ZNF99: variants seen among roughly 807,000 people sequenced by gnomAD.
ZNF99 encodes zinc finger protein 99, also known as zinc finger protein ENSP00000375192.
A neutral mutation model predicts 12.8 loss-of-function variants in ZNF99; 8 were observed. The observed-to-expected ratio is 0.62, with a 90% confidence interval of 0.37 to 1.13. ZNF99 has a LOEUF of 1.13. Ranked by LOEUF, ZNF99 falls within the 50% of genes most tolerant of loss-of-function variation. The pLI is 0.02. For missense variants in ZNF99, 1,007 were observed against 1,006.2 expected (o/e 1.00, Z -0.01); for synonymous variants, 318 against 319.0 (o/e 1.00, Z 0.03).
chr19:22,763,207 G>A lies in ZNF99; in HGVS notation c.227-3525C>T, dbSNP rs190178503. Among the ~76,000 whole-genome samples the A allele has an allele frequency of 1.3e-4, 20 of 152,214 alleles. No individual in the cohort carries two copies. In the East Asian group the frequency reaches 2.9e-3, roughly 22 times the overall value. On this transcript the variant is annotated intron_variant, in intron 3 of 3. Coordinates refer to ENST00000596209, the MANE Select transcript of ZNF99 (RefSeq NM_001080409.3). ...AGGAAGTAAAGCTGTCACTGTTTGC[G>A]GATGATATGATTGTTTACTTTGAAA...
rs749548866 is a variant in ZNF99 at position 22,758,163 on chromosome 19, T to A, written c.1746A>T (p.Arg582Ser). 1 of 1,613,690 alleles carries A rather than the reference T, an allele frequency of 6.2e-7. No individual in the cohort carries two copies. The highest frequency in any genetic ancestry group is 1.7e-5 in the Admixed American group (1 of 60,008). The change falls in exon 4 of 4, where the codon AGA becomes AGT. Residue 582 changes from arginine to serine, a missense_variant. Physicochemically the swap from Arg to Ser is moderately radical, Grantham distance 110 (BLOSUM62 -1). Coordinates refer to ENST00000596209, the MANE Select transcript of ZNF99 (RefSeq NM_001080409.3). Reference sequence around the variant, plus strand: ...TCTCCCCAGTATGAATTGCTTTATGTCTAGTAAGATGTGAAGATTGCTTAA... The same window carrying A: ...TCTCCCCAGTATGAATTGCTTTATGACTAGTAAGATGTGAAGATTGCTTAA... ...KAFKQSSHLT[R>S]HKAIHTGEKP...
chr19:22,772,008 G>A (rs1395941928), intron 1 of ZNF99, among the ~76,000 whole-genome samples: 5 of 151,350 alleles, frequency 3.3e-5, no homozygotes, highest in South Asian at 2.1e-4. Flanking sequence ...GAGCCACCGC[G>A]CCCAGCCTGC....
At chr19:22,770,012 A>T (rs1313028964) in intron 1 of ZNF99, 1 of 1,346,032 alleles carries the variant, frequency 7.4e-7, no homozygotes, top group Non-Finnish European at 9.9e-7. Flanking sequence ...CTCAAATTTT[A>T]ATGTGTACAA....
chr19:22,766,654 T>TC (rs1491567722), intron 3 of ZNF99, among the ~76,000 whole-genome samples: 1 of 149,796 alleles, frequency 6.7e-6, no homozygotes, highest in Non-Finnish European at 1.5e-5. Flanking sequence ...ATTTCTTATT[T>TC]CTTTTTTTTT....
Position 22,756,751 on chromosome 19 carries a change from G to A in ZNF99, c.*563C>T, listed in dbSNP as rs1222941226. On this transcript the variant is annotated 3_prime_UTR_variant, in exon 4 of 4. Transcript: ENST00000596209. ...AATTATCTTATGTTTCATAAGGGTT[G>A]AGGAATTGTTAAAAGCTTTGCCACA... 6.3e-7 allele frequency: 1 copy of A among 1,591,314 alleles called. No homozygotes were observed. Among genetic ancestry groups the A allele is most frequent in the Non-Finnish European group, 8.6e-7 (1 of 1,165,186 alleles).
intron 1 of ZNF99, chr19:22,774,351 T>C (rs1171041632): frequency 1.3e-5 from 2 of 153,012 alleles, no homozygotes; most frequent in Admixed American, 1.3e-4. Context: ...TCTCTGCTGC[T>C]CTCTCATCTC....
chr19:22,768,080 G>A (rs1215141633), intron 3 of ZNF99, among the ~76,000 whole-genome samples: 2 of 152,186 alleles, frequency 1.3e-5, no homozygotes, highest in African/African-American at 4.8e-5. Flanking sequence ...GGCTCTCACT[G>A]TAAACTTGAA....
At position 22,757,226 on chromosome 19, in the gene ZNF99, T is replaced by A; in HGVS notation, c.*88A>T. The A allele has an allele frequency of 1.9e-6, 3 of 1,588,140 alleles. No individual in the cohort carries two copies. The highest frequency in any genetic ancestry group is 2.6e-6 in the Non-Finnish European group (3 of 1,162,586). ...ACATTTGTATGGTTTCTTCCCAGTA[T>A]AAATTATCTTATGTTTCCTAAGGGT... is the stretch of plus-strand genomic sequence containing the variant. On this transcript the variant is annotated 3_prime_UTR_variant, in exon 4 of 4. Coordinates refer to ENST00000596209, the MANE Select transcript of ZNF99 (RefSeq NM_001080409.3).
chr19:22,763,548 C>T (rs1238354770), intron 3 of ZNF99, among the ~76,000 whole-genome samples: 3 of 152,144 alleles, frequency 2.0e-5, no homozygotes, highest in African/African-American at 7.2e-5. Context: ...AAAATGACCA[C>T]ACTGCCAAAA....
At chr19:22,760,873 C>A (rs2145145312) in intron 3 of ZNF99, among the ~76,000 whole-genome samples, 4 of 130,072 alleles carry the variant, frequency 3.1e-5, no homozygotes, top group Admixed American at 8.0e-5. Context: ...ACATGAGTAA[C>A]ATTCTTTATC....
In ZNF99 at chr19:22,754,641, C is replaced by A; in HGVS notation, c.*2673G>T. The A allele has an allele frequency of 2.9e-6, 1 of 339,090 alleles. No individual in the cohort carries two copies. Among genetic ancestry groups the A allele is most frequent in the Non-Finnish European group, 5.9e-6 (1 of 170,790 alleles). The allele number at this position is 339,090 out of a possible 1,614,324, so 21.0% of individuals were successfully genotyped here. On this transcript the variant is annotated 3_prime_UTR_variant, in exon 4 of 4. Transcript: ENST00000596209. ...ATGTGAGAAATGGTTACAGTGTTTGCCACATTCTTCATATTTGTAGGGCTA... is the reference window on the plus strand; with the variant it reads ...ATGTGAGAAATGGTTACAGTGTTTGACACATTCTTCATATTTGTAGGGCTA...
At chr19:22,762,304 A>T (rs1973158674) in intron 3 of ZNF99, among the ~76,000 whole-genome samples, 1 of 152,322 alleles carries the variant, frequency 6.6e-6, no homozygotes, top group East Asian at 1.9e-4. Context: ...GAAATGGGAG[A>T]TATTACAACT....
chr19:22,775,020 C>A (rs576642840), intron 1 of ZNF99, among the ~76,000 whole-genome samples: 2 of 152,246 alleles, frequency 1.3e-5, no homozygotes, highest in East Asian at 1.9e-4. Context: ...CTATTCTTAT[C>A]AAACTACCAA....
intron 1 of ZNF99, among the ~76,000 whole-genome samples, chr19:22,777,713 G>T (rs1973344887): frequency 6.6e-6 from 1 of 152,070 alleles, no homozygotes; most frequent in Non-Finnish European, 1.5e-5. Flanking sequence ...ACATGTTGCT[G>T]CTGCAGATTC....
rs1973105429 is a variant in ZNF99 at position 22,758,482 on chromosome 19, G to C, written c.1427C>G (p.Thr476Ser). The C allele has an allele frequency of 1.2e-6, 2 of 1,613,178 alleles. No individual in the cohort carries two copies. Among genetic ancestry groups the C allele is most frequent in the African/African-American group, 1.3e-5 (1 of 74,800 alleles). Residue 476 changes from threonine to serine, a missense_variant, in exon 4 of 4, where the codon ACT (threonine) becomes AGT (serine). Transcript: ENST00000596209. ...TTCACATTTGTAGGGTTTCTCTCCAGTATGAATTATCTCATGTTTTCTAAG... is the reference window on the plus strand; with the variant it reads ...TTCACATTTGTAGGGTTTCTCTCCACTATGAATTATCTCATGTTTTCTAAG... ...SALRKHEIIH[T>S]GEKPYKCEEC... is the part of the protein sequence containing the mutation.
rs1349437462 is a variant in ZNF99, at chr19:22,752,614, TA to T, written c.*4699del. On this transcript the variant is annotated 3_prime_UTR_variant, in exon 4 of 4. Transcript: ENST00000596209. ...ATGTTATTCCACTCTTACCAAATAG[TA>T]AACTGTTGCCATCTCTTACCTACAC... 1 of 152,146 alleles carries T rather than the reference TA, an allele frequency of 6.6e-6. No individual in the cohort carries two copies. Among genetic ancestry groups the T allele is most frequent in the Non-Finnish European group, 1.5e-5 (1 of 67,996 alleles). The allele number at this position is 152,146 out of a possible 1,614,324, so 9.4% of individuals were successfully genotyped here. A position where few individuals can be genotyped will look rare whatever the true frequency, so the allele number is the denominator to read the frequency against.
rs753851710 is a variant in ZNF99 at position 22,758,297 on chromosome 19, T to G, written c.1612A>C (p.Lys538Gln). Reference sequence around the variant, plus strand: ...AAAGCTTTGCCACATTCTTCACATTTGTAGGGTTTCTTTCCAGTATGAATT... The same window carrying G: ...AAAGCTTTGCCACATTCTTCACATTGGTAGGGTTTCTTTCCAGTATGAATT... ...KIIHTGKKPY[K>Q]CEECGKAFNN... Residue 538 changes from lysine to glutamine, a missense_variant, in exon 4 of 4, where the codon AAA (lysine) becomes CAA (glutamine). Physicochemically the swap from Lys to Gln is moderately conservative, Grantham distance 53 (BLOSUM62 1). Coordinates refer to ENST00000596209, the MANE Select transcript of ZNF99 (RefSeq NM_001080409.3). The G allele has an allele frequency of 2.5e-6, 4 of 1,609,720 alleles. No individual in the cohort carries two copies. In the East Asian group the frequency reaches 9.0e-5, roughly 36 times the overall value.
At chr19:22,768,173 T>A (rs2145150731) in intron 3 of ZNF99, 132 bp downstream of exon 3, 1 of 1,026,960 alleles carries the variant, frequency 9.7e-7, no homozygotes, top group South Asian at 1.4e-5. Flanking sequence ...AGCAAAATTT[T>A]AAAAAATCTC....
chr19:22,765,975 TA>T (rs1431388465), intron 3 of ZNF99, among the ~76,000 whole-genome samples: 1 of 152,078 alleles, frequency 6.6e-6, no homozygotes, highest in African/African-American at 2.4e-5. Flanking sequence ...ATAATACCCT[TA>T]AAATTCTTCT....
Sources: allele counts gnomAD v4.1 joint callset (sites outside exome capture counted in the v4.1 genomes callset), GRCh38; gene constraint gnomAD v4.1.1; transcripts MANE v1.5; gene names NCBI Gene and HGNC (gene_info 2026-07-23, HGNC 2026-07-21).